MET: variants seen among roughly 807,000 people sequenced by gnomAD.
The protein encoded by MET is hepatocyte growth factor receptor.
Under a neutral mutation model 133.1 loss-of-function variants are expected in MET, and 48 were observed. The ratio of observed to expected loss-of-function variants is 0.36; its 90% CI spans 0.29 to 0.46. The LOEUF is 0.46. MET is among the 20% of genes least tolerant of loss of function. The pLI is 1.00. For missense variants in MET, 1,442 were observed against 1,695.9 expected, an observed-to-expected ratio of 0.85 and a Z score of 2.63; for synonymous variants, 628 against 616.5, an observed-to-expected ratio of 1.02 and a Z score of -0.28.
chr7:116,734,548 TAAC>T (rs1301775134), intron 3 of MET, among the ~76,000 whole-genome samples: 6 of 152,272 alleles, frequency 3.9e-5, no homozygotes, highest in African/African-American at 1.4e-4. Context: ...TAATGATGTG[TAAC>T]TTATCTTGTA....
chr7:116,679,796 G>A (rs890690376), intron 1 of MET, among the ~76,000 whole-genome samples: 5 of 152,168 alleles, frequency 3.3e-5, no homozygotes, highest in Non-Finnish European at 7.3e-5. Context: ...GTTTGTGAAT[G>A]TGTATTTTCT....
chr7:116,766,104 A>C (rs1794618041), intron 11 of MET, among the ~76,000 whole-genome samples: 1 of 152,192 alleles, frequency 6.6e-6, no homozygotes, highest in Admixed American at 6.5e-5. Flanking sequence ...ATATCTAAAA[A>C]TTTATTCTGT....
chr7:116,728,562 C>T (rs1792880740), intron 2 of MET, among the ~76,000 whole-genome samples: 1 of 152,144 alleles, frequency 6.6e-6, no homozygotes, highest in Non-Finnish European at 1.5e-5. Flanking sequence ...TGAGGAGACC[C>T]TTAGTTTCAT....
chr7:116,683,496 G>C (rs1023854899), intron 1 of MET, among the ~76,000 whole-genome samples: 1 of 152,048 alleles, frequency 6.6e-6, no homozygotes, highest in Non-Finnish European at 1.5e-5. Context: ...CACACATCAG[G>C]CATCCTGATA....
In MET at chr7:116,785,881, A is replaced by G. The variant is rs913273279; in HGVS notation, c.3798+2412A>G. 6.6e-5 allele frequency among the ~76,000 whole-genome samples: 10 copies of G among 152,366 alleles called. 1 individual carries two copies. The East Asian group carries it at 1.9e-3, about 29-fold the overall frequency. On this transcript the variant is annotated intron_variant, in intron 19 of 20. Transcript: ENST00000397752. ...CACAGAAGCAAAAGCTGGACTCAGA[A>G]CAAAAATAGCAAGTTGAGCCTTAAA...
chr7:116,758,835 T>C (rs1794288135), intron 9 of MET, among the ~76,000 whole-genome samples: 1 of 152,222 alleles, frequency 6.6e-6, no homozygotes, highest in Non-Finnish European at 1.5e-5. Flanking sequence ...TATCTTATCC[T>C]GTTCTATTAC....
chr7:116,786,860 G>T (rs141868901), intron 19 of MET, among the ~76,000 whole-genome samples: 70 of 152,320 alleles, frequency 4.6e-4, no homozygotes, highest in African/African-American at 1.6e-3. Context: ...AGAGATCTGA[G>T]TGTGGCATGG....
chr7:116,712,266 C>A (rs551566673), intron 2 of MET, among the ~76,000 whole-genome samples: 1 of 152,172 alleles, frequency 6.6e-6, no homozygotes, highest in African/African-American at 2.4e-5. Flanking sequence ...TTTTCCCTAG[C>A]CTTCAACTCA....
rs1370688649 is a variant in MET, at chr7:116,757,435, A to G, written c.1863-2A>G. On this transcript the variant is annotated splice_acceptor_variant, in intron 6 of 20. Transcript: ENST00000397752. LOFTEE classifies it high-confidence loss of function. ...GTATTAAACTTTGGGTTTTTTTTCC[A>G]GATTGAAATGCACAGTTGGTCCTGC... The G allele has an allele frequency of 6.2e-7, 1 of 1,612,590 alleles. No individual in the cohort carries two copies. The highest frequency in any genetic ancestry group is 8.5e-7 in the Non-Finnish European group (1 of 1,179,580).
At chr7:116,720,102 T>C (rs533130506) in intron 2 of MET, among the ~76,000 whole-genome samples, 1 of 151,528 alleles carries the variant, frequency 6.6e-6, no homozygotes, top group Admixed American at 6.6e-5. Flanking sequence ...TTTCACGATA[T>C]GGATTCTTCC....
At chr7:116,716,478 AAAGAAAGAAAG>A in intron 2 of MET, among the ~76,000 whole-genome samples, 1 of 104,870 alleles carries the variant, frequency 9.5e-6, no homozygotes, top group Non-Finnish European at 2.0e-5. Context: ...AGAAAGAAAG[AAAGAAAGAAAG>A]AAAGAAAGAA....
At chr7:116,745,472 G>A (rs906283761) in intron 5 of MET, among the ~76,000 whole-genome samples, 11 of 152,190 alleles carry the variant, frequency 7.2e-5, no homozygotes, top group Non-Finnish European at 1.2e-4. Flanking sequence ...GCATTGTCAA[G>A]TCAATACTAA....
At chr7:116,764,424 T>C (rs1794534246) in intron 11 of MET, among the ~76,000 whole-genome samples, 1 of 152,086 alleles carries the variant, frequency 6.6e-6, no homozygotes, top group African/African-American at 2.4e-5. Flanking sequence ...TGTGACCTTT[T>C]GCTTTCAACA....
At position 116,783,460 on chromosome 7, in the gene MET, G is replaced by T; in HGVS notation, c.3789G>T (p.Lys1263Asn). 1.2e-6 allele frequency: 2 copies of T among 1,614,092 alleles called. No homozygotes were observed. Among genetic ancestry groups the T allele is most frequent in the Non-Finnish European group, 1.7e-6 (2 of 1,180,000 alleles). The change falls in exon 19 of 21, where the codon AAG (lysine) becomes AAT (asparagine). Residue 1263 changes from lysine to asparagine, a missense_variant. Coordinates refer to ENST00000397752, the MANE Select transcript of MET (RefSeq NM_000245.4). ...ESLQTQKFTTKSDVWSFGVLL... is the reference protein window; with the variant it reads ...ESLQTQKFTTNSDVWSFGVLL... The stretch of plus-strand genomic sequence containing the variant: ...TGCAAACTCAAAAGTTTACCACCAA[G>T]TCAGATGTGGTAATGTATTGGTTAT...
chr7:116,734,625 C>T (rs1267911481), intron 3 of MET, among the ~76,000 whole-genome samples: 2 of 152,156 alleles, frequency 1.3e-5, no homozygotes, highest in African/African-American at 2.4e-5. Flanking sequence ...ATCTGCAGAG[C>T]CATGTCAATG....
chr7:116,732,011 G>C, intron 3 of MET, 152 bp downstream of exon 3: 1 of 749,288 alleles, frequency 1.3e-6, no homozygotes, highest in Non-Finnish European at 2.3e-6. Context: ...AATGAAGCCT[G>C]GTCTACTTTC....
At chr7:116,741,166 C>G (rs960269559) in intron 5 of MET, 141 bp downstream of exon 5, 6 of 964,768 alleles carry the variant, frequency 6.2e-6, no homozygotes, top group South Asian at 1.5e-5. Flanking sequence ...ACTCATTTAG[C>G]TGTGAGTCAT....
At chr7:116,765,551 G>T (rs1391586038) in intron 11 of MET, among the ~76,000 whole-genome samples, 3 of 152,074 alleles carry the variant, frequency 2.0e-5, no homozygotes. Flanking sequence ...CACAATAGGG[G>T]TCAAGCATAA....
chr7:116,700,989 G>A (rs995441347), intron 2 of MET, among the ~76,000 whole-genome samples: 1 of 152,114 alleles, frequency 6.6e-6, no homozygotes, highest in South Asian at 2.1e-4. Flanking sequence ...GTTCTAGCTT[G>A]GCACTTTACC....
Sources: gnomAD v4.1 joint callset for allele counts (sites outside exome capture counted in the v4.1 genomes callset) on GRCh38, gnomAD v4.1.1 for gene constraint, MANE v1.5 for transcripts, NCBI Gene and HGNC (gene_info 2026-07-23, HGNC 2026-07-21) for gene names.